The following AP1AR variants were observed in gnomAD, a reference collection of about 807,000 sequenced individuals.
AP1AR encodes AP-1 complex-associated regulatory protein.
In AP1AR, 29 loss-of-function variants were observed where a neutral mutation model predicts 46.3. The observed-to-expected ratio is 0.63, with a 90% CI of 0.47 to 0.85. AP1AR has a LOEUF of 0.85. Among genes scored for constraint, AP1AR ranks in the 40% least tolerant of loss-of-function variants. AP1AR has a pLI of 0.00. For missense variants in AP1AR, 357 were observed against 356.3 expected (o/e 1.00, Z -0.02); for synonymous variants, 122 against 122.9 (o/e 0.99, Z 0.05).
At chr4:112,246,415 A>ATTCC (rs1725729645) in intron 1 of AP1AR, among the ~76,000 whole-genome samples, 1 of 152,220 alleles carries the variant, frequency 6.6e-6, no homozygotes, top group Non-Finnish European at 1.5e-5. Flanking sequence ...CTGAGGCAGG[A>ATTCC]AAATCGCTTG....
intron 1 of AP1AR, among the ~76,000 whole-genome samples, chr4:112,234,608 G>C (rs72894908): frequency 0.077 from 11,687 of 151,520 alleles, 451 homozygotes; most frequent in Middle Eastern, 0.095. Context: ...TAAGCATGTA[G>C]AGACAGATGG....
At chr4:112,262,868 G>A in intron 5 of AP1AR, 120 bp from the exon 6 acceptor site, 1 of 707,906 alleles carries the variant, frequency 1.4e-6, no homozygotes, top group South Asian at 1.8e-5. Context: ...GTTATGCTTT[G>A]TAGAGATCAA....
At chr4:112,245,266 A>C (rs964915001) in intron 1 of AP1AR, among the ~76,000 whole-genome samples, 2 of 152,180 alleles carry the variant, frequency 1.3e-5, no homozygotes, top group Non-Finnish European at 2.9e-5. Context: ...AGAATGCTCT[A>C]AAAGCATATA....
rs540673072 is a variant in AP1AR, at chr4:112,272,964, G to A, written c.*4555G>A. 23 of 151,996 alleles carry A rather than the reference G, an allele frequency of 1.5e-4. No individual in the cohort carries two copies. In the East Asian group the frequency reaches 4.4e-3, roughly 29 times the overall value. 9.4% of individuals were successfully genotyped at this position (151,996 alleles called of 1,614,324 possible). A position where few individuals can be genotyped will look rare whatever the true frequency, so the allele number is the denominator to read the frequency against. On this transcript the variant is annotated 3_prime_UTR_variant, in exon 10 of 10. Coordinates refer to ENST00000274000, the MANE Select transcript of AP1AR (RefSeq NM_018569.6). ...CTAAAAAAGATTTTATGTTAAATAT[G>A]TAGTGTTTTCCCATCTTCATTTATT...
chr4:112,257,252 G>A (rs1333706362), intron 3 of AP1AR, among the ~76,000 whole-genome samples: 1 of 152,178 alleles, frequency 6.6e-6, no homozygotes, highest in Non-Finnish European at 1.5e-5. Context: ...CTGTCGCCCT[G>A]TTCTACCTCA....
chr4:112,249,729 G>A (rs1725872673), intron 1 of AP1AR, among the ~76,000 whole-genome samples: 1 of 152,032 alleles, frequency 6.6e-6, no homozygotes, highest in Admixed American at 6.6e-5. Flanking sequence ...TGTATATATT[G>A]CATAGTGAGA....
chr4:112,249,927 A>G (rs1306673864), intron 1 of AP1AR, among the ~76,000 whole-genome samples: 2 of 152,174 alleles, frequency 1.3e-5, no homozygotes, highest in Admixed American at 6.5e-5. Context: ...GCATTTATCT[A>G]TGTGTTTATT....
intron 1 of AP1AR, among the ~76,000 whole-genome samples, chr4:112,238,802 T>G (rs970226427): frequency 2.6e-5 from 4 of 152,264 alleles, no homozygotes; most frequent in Non-Finnish European, 5.9e-5. Context: ...TAATTGCTAC[T>G]GTGTAGTTCC....
intron 1 of AP1AR, among the ~76,000 whole-genome samples, chr4:112,250,882 C>T (rs1186023552): frequency 6.6e-6 from 1 of 152,056 alleles, no homozygotes; most frequent in Non-Finnish European, 1.5e-5. Context: ...TTAATTTACT[C>T]CCTTGTCATA....
intron 1 of AP1AR, among the ~76,000 whole-genome samples, chr4:112,236,507 T>G (rs986546868): frequency 6.6e-6 from 1 of 151,902 alleles, no homozygotes; most frequent in African/African-American, 2.4e-5. Context: ...TTCAAGTGAT[T>G]GTCTTGCCTC....
chr4:112,240,251 C>T (rs1419361530), intron 1 of AP1AR, among the ~76,000 whole-genome samples: 1 of 152,108 alleles, frequency 6.6e-6, no homozygotes, highest in Admixed American at 6.5e-5. Context: ...GAATCTATTT[C>T]TTTCCTTTTT....
At chr4:112,260,919 T>C in intron 5 of AP1AR, 57 bp downstream of exon 5, 2 of 1,101,874 alleles carry the variant, frequency 1.8e-6, no homozygotes, top group Admixed American at 2.4e-5. Context: ...GAATTGTCAT[T>C]AAATAATATA....
chr4:112,242,700 C>G (rs948230516), intron 1 of AP1AR, among the ~76,000 whole-genome samples: 3 of 152,160 alleles, frequency 2.0e-5, no homozygotes, highest in Non-Finnish European at 2.9e-5. Context: ...CATGAGGGAT[C>G]CACCACTGTT....
rs537475601 is a variant in AP1AR at position 112,253,049 on chromosome 4, T to C, written c.84-159T>C. 2.0e-5 allele frequency among the ~76,000 whole-genome samples: 3 copies of C among 152,326 alleles called. No individual in the cohort carries two copies. In the East Asian group the frequency reaches 5.8e-4, roughly 29 times the overall value. Reference sequence around the variant, plus strand: ...ATGAAGTTTAAAAATCTGGACTTTTTATAGTCTTAGGTAAATTTTGTTGTT... The same window carrying C: ...ATGAAGTTTAAAAATCTGGACTTTTCATAGTCTTAGGTAAATTTTGTTGTT... On this transcript the variant is annotated intron_variant, in intron 1 of 9. Transcript: ENST00000274000.
intron 1 of AP1AR, among the ~76,000 whole-genome samples, chr4:112,237,328 G>A (rs1260218863): frequency 2.6e-5 from 4 of 152,076 alleles, no homozygotes; most frequent in Non-Finnish European, 4.4e-5. Flanking sequence ...GGCTGGTCTC[G>A]AACTCCTGAC....
At chr4:112,235,834 A>T (rs1006800572) in intron 1 of AP1AR, among the ~76,000 whole-genome samples, 1 of 152,190 alleles carries the variant, frequency 6.6e-6, no homozygotes, top group African/African-American at 2.4e-5. Flanking sequence ...ACTTATGAAT[A>T]TACCTGAACA....
intron 4 of AP1AR, 23 bp from the exon 5 acceptor site, chr4:112,260,743 C>A: frequency 6.8e-7 from 1 of 1,479,404 alleles, no homozygotes; most frequent in Non-Finnish European, 9.1e-7. Flanking sequence ...TTTTCTTTTT[C>A]TCCTCCTCCT....
intron 1 of AP1AR, among the ~76,000 whole-genome samples, chr4:112,242,271 T>C (rs987827623): frequency 3.9e-5 from 6 of 152,192 alleles, no homozygotes; most frequent in African/African-American, 1.4e-4. Context: ...TCTCCACTTT[T>C]GTACCACGTT....
chr4:112,234,680 T>C (rs562680674), intron 1 of AP1AR, among the ~76,000 whole-genome samples: 1 of 151,062 alleles, frequency 6.6e-6, no homozygotes, highest in South Asian at 2.1e-4. Context: ...TTTTATCAGC[T>C]GTTTTGATTT....
Sources: gnomAD v4.1 joint callset for allele counts (sites outside exome capture counted in the v4.1 genomes callset) on GRCh38, gnomAD v4.1.1 for gene constraint, MANE v1.5 for transcripts, NCBI Gene and HGNC (gene_info 2026-07-23, HGNC 2026-07-21) for gene names.